The following SLC8A2 variants were observed in gnomAD, a reference collection of about 807,000 sequenced individuals.
The protein encoded by SLC8A2 is solute carrier family 8 member A2.
In SLC8A2, 14 loss-of-function variants were observed where a neutral mutation model predicts 70.2. The observed-to-expected ratio is 0.20, with a 90% confidence interval of 0.13 to 0.31. The LOEUF is 0.31. Among genes scored for constraint, SLC8A2 ranks in the 10% least tolerant of loss-of-function variants. The pLI is 1.00. For synonymous variants in SLC8A2, 575 were observed against 594.3 expected, an observed-to-expected ratio of 0.97 and a Z score of 0.47; for missense variants, 779 against 1,320.1, an observed-to-expected ratio of 0.59 and a Z score of 6.35.
In SLC8A2 at chr19:47,437,925, A is replaced by G. The variant is rs754961586; in HGVS notation, c.1934T>C (p.Ile645Thr). 2.5e-6 allele frequency: 4 copies of G among 1,614,004 alleles called. No homozygotes were observed. The Admixed American group carries it at 5.0e-5, about 20-fold the overall frequency. ...LTAEEEEARR[I>T]AEMGKPVLGE... Reference sequence around the variant, plus strand: ...AAGAACTGGCTTGCCCATCTCTGCTATCCTCCGAGCCTCCTCCTCCTCGGC... The same window carrying G: ...AAGAACTGGCTTGCCCATCTCTGCTGTCCTCCGAGCCTCCTCCTCCTCGGC... Residue 645 changes from isoleucine to threonine, a missense_variant, in exon 7 of 10, where the codon ATA becomes ACA. Coordinates refer to ENST00000236877, the MANE Select transcript of SLC8A2 (RefSeq NM_015063.3).
At position 47,430,526 on chromosome 19, in the gene SLC8A2, T is replaced by A; in HGVS notation, c.2390-61A>T. The A allele has an allele frequency of 6.8e-7, 1 of 1,472,364 alleles. No individual in the cohort carries two copies. The highest frequency in any genetic ancestry group is 2.4e-5 in the East Asian group (1 of 40,862). The allele number at this position is 1,472,364 out of a possible 1,614,324, so 91.2% of individuals were successfully genotyped here. On this transcript the variant is annotated intron_variant, in intron 9 of 9. Coordinates refer to ENST00000236877, the MANE Select transcript of SLC8A2 (RefSeq NM_015063.3). This position sits in a 1 kb window ranked among gnomAD's most constrained non-coding sequence, Gnocchi z 5.9. ...GCGCCGCCACCCACAGGGGCGGGCA[T>A]CCGCCTGCCCCCTCCCAGCCTTTCC...
intron 3 of SLC8A2, among the ~76,000 whole-genome samples, chr19:47,451,465 C>T (rs1967234525): frequency 6.6e-6 from 1 of 152,018 alleles, no homozygotes; most frequent in South Asian, 2.1e-4. Context: ...CGTGCCACCA[C>T]ATCTGGCTAA....
At chr19:47,462,341 C>T (rs1197349467) in intron 2 of SLC8A2, among the ~76,000 whole-genome samples, 1 of 150,740 alleles carries the variant, frequency 6.6e-6, no homozygotes, top group African/African-American at 2.4e-5. Flanking sequence ...CTCGGCTTAC[C>T]GCAACCTCCG....
chr19:47,470,561 C>T (rs1967522681), intron 1 of SLC8A2, among the ~76,000 whole-genome samples: 1 of 152,214 alleles, frequency 6.6e-6, no homozygotes, highest in African/African-American at 2.4e-5. Context: ...GGAAGTGAGA[C>T]TGCAGGAAGG....
chr19:47,460,171 T>G (rs1365554102), intron 2 of SLC8A2, among the ~76,000 whole-genome samples: 3 of 152,200 alleles, frequency 2.0e-5, no homozygotes, highest in African/African-American at 2.4e-5. Flanking sequence ...CTGGCCCTCA[T>G]GGACAGGCTG....
intron 8 of SLC8A2, among the ~76,000 whole-genome samples, chr19:47,435,938 A>C (rs1251456894): frequency 6.6e-6 from 1 of 150,880 alleles, no homozygotes; most frequent in Non-Finnish European, 1.5e-5. Flanking sequence ...CCCATTCAAA[A>C]CCCTCCATGG....
rs1403674046 is a variant in SLC8A2 at position 47,447,810 on chromosome 19, T to A, written c.1762A>T (p.Met588Leu). The A allele has an allele frequency of 3.2e-6, 5 of 1,586,656 alleles. No individual in the cohort carries two copies. The highest frequency in any genetic ancestry group is 1.7e-5 in the Admixed American group (1 of 58,220). The change falls in exon 4 of 10, where the codon ATG becomes TTG. Residue 588 changes from methionine (M) to leucine (L), a missense_variant and splice_region_variant. This residue lies in a region of SLC8A2 where 247 missense variants were observed against 362.8 expected (regional missense o/e 0.68). Transcript: ENST00000236877. The surrounding 1 kb of genome is among the most constrained non-coding windows in gnomAD (Gnocchi z 5.1). ...GELEFGDDET[M>L]KTLQVKIVDD... Reference sequence around the variant, plus strand: ...CCGGGCCGCCTCGGGCGTGCTCACATGGTCTCGTCGTCGCCAAACTCCAGC... The same window carrying A: ...CCGGGCCGCCTCGGGCGTGCTCACAAGGTCTCGTCGTCGCCAAACTCCAGC...
intron 8 of SLC8A2, among the ~76,000 whole-genome samples, chr19:47,433,152 C>T (rs921877591): frequency 6.6e-6 from 1 of 152,182 alleles, no homozygotes; most frequent in African/African-American, 2.4e-5. Flanking sequence ...GACAGCCATA[C>T]CCCTAGCTAA....
chr19:47,467,318 G>T (rs543095318), intron 1 of SLC8A2, among the ~76,000 whole-genome samples: 363 of 152,310 alleles, frequency 2.4e-3, no homozygotes, highest in Non-Finnish European at 4.5e-3. Context: ...GGAGCAGGAG[G>T]CTCTGAGTTT....
Position 47,465,457 on chromosome 19 carries a change from G to C in SLC8A2, c.675+272C>G, listed in dbSNP as rs1216400045. 1.3e-5 allele frequency among the ~76,000 whole-genome samples: 2 copies of C among 152,210 alleles called. No homozygotes were observed. The highest frequency in any genetic ancestry group is 2.9e-5 in the Non-Finnish European group (2 of 68,040). On this transcript the variant is annotated intron_variant, in intron 2 of 9. Coordinates refer to ENST00000236877, the MANE Select transcript of SLC8A2 (RefSeq NM_015063.3). The surrounding 1 kb of genome is among the most constrained non-coding windows in gnomAD (Gnocchi z 5.5). Reference sequence around the variant, plus strand: ...GTGTACTGTTCTTAAGTGCAAAACAGTGCGTCCCTCTGGACAAATAAATGT... The same window carrying C: ...GTGTACTGTTCTTAAGTGCAAAACACTGCGTCCCTCTGGACAAATAAATGT...
intron 7 of SLC8A2, 133 bp from the exon 8 acceptor site, chr19:47,437,694 A>C: frequency 8.7e-7 from 1 of 1,154,266 alleles, no homozygotes; most frequent in African/African-American, 1.5e-5. Context: ...TTCTGAAGGC[A>C]AGCAAGGAAA....
chr19:47,435,999 G>C (rs1967024611), intron 8 of SLC8A2, among the ~76,000 whole-genome samples: 1 of 152,084 alleles, frequency 6.6e-6, no homozygotes, highest in Non-Finnish European at 1.5e-5. Context: ...GGTCCACAAG[G>C]AGCAGTGTAG....
intron 5 of SLC8A2, 26 bp from the exon 6 acceptor site, chr19:47,441,212 CAGTG>C (rs776974030): frequency 8.1e-6 from 13 of 1,613,450 alleles, no homozygotes; most frequent in Non-Finnish European, 1.7e-6. Context: ...GACAGGCAGA[CAGTG>C]AGATCAGTTC....
intron 3 of SLC8A2, among the ~76,000 whole-genome samples, chr19:47,449,055 T>C (rs188236148): frequency 3.1e-4 from 47 of 152,346 alleles, no homozygotes; most frequent in Non-Finnish European, 6.2e-4. Flanking sequence ...CTGACCGTTG[T>C]GTGCCAGGCA....
At chr19:47,460,566 G>A (rs1007861488) in intron 2 of SLC8A2, among the ~76,000 whole-genome samples, 2 of 151,994 alleles carry the variant, frequency 1.3e-5, no homozygotes, top group Non-Finnish European at 2.9e-5. Flanking sequence ...GCATGGTGGT[G>A]TGCATCTGTA....
rs1156457071 is a variant in SLC8A2 at position 47,466,334 on chromosome 19, G to A, written c.70C>T (p.Pro24Ser). 6.8e-7 allele frequency: 1 copy of A among 1,468,074 alleles called. No individual in the cohort carries two copies. The highest frequency in any genetic ancestry group is 9.0e-7 in the Non-Finnish European group (1 of 1,107,878). 90.9% of individuals were successfully genotyped at this position (1,468,074 alleles called of 1,614,324 possible). Residue 24 changes from proline to serine, a missense_variant, in exon 2 of 10, where the codon CCA (proline) becomes TCA (serine). Around this residue, in one of 6 missense-constraint regions of SLC8A2, gnomAD observed 65 missense variants for 61.3 expected, o/e 1.06. Coordinates refer to ENST00000236877, the MANE Select transcript of SLC8A2 (RefSeq NM_015063.3). The surrounding 1 kb of genome is among the most constrained non-coding windows in gnomAD (Gnocchi z 6.9). The stretch of plus-strand genomic sequence containing the variant: ...GGGGGAGGCGGCAGGGAGGGGGTTG[G>A]GGTGGCTGCCCCGGAGCATGGGGGA... Reference protein sequence around the residue: ...AAPPCSGAATPTPSLPPPPAN... With the variant: ...AAPPCSGAATSTPSLPPPPAN...
rs776017952 is a variant in SLC8A2, at chr19:47,457,461, A to C, written c.809T>G (p.Ile270Arg). 1.9e-6 allele frequency: 3 copies of C among 1,609,036 alleles called. No individual in the cohort carries two copies. Among genetic ancestry groups the C allele is most frequent in the Non-Finnish European group, 1.7e-6 (2 of 1,178,466 alleles). The change falls in exon 3 of 10, where the codon ATA (isoleucine) becomes AGA (arginine). Residue 270 changes from isoleucine to arginine, a missense_variant. Ile to Arg is a moderately conservative substitution (Grantham distance 97). This residue lies in a region of SLC8A2 where 186 missense variants were observed against 246.6 expected (regional missense o/e 0.75). Transcript: ENST00000236877. ...YRTDPRSGII[I>R]GAEGDPPKSI... ...CTTCGGGGGGTCGCCCTCGGCGCCT[A>C]TGATGATGCCGCTGCGTGGGTCGGT...
intron 2 of SLC8A2, among the ~76,000 whole-genome samples, chr19:47,459,595 G>A (rs1967364821): frequency 6.6e-6 from 1 of 151,624 alleles, no homozygotes; most frequent in Non-Finnish European, 1.5e-5. Flanking sequence ...TGTGTCCTGT[G>A]TGTGCGTGCT....
At position 47,430,266 on chromosome 19, in the gene SLC8A2, G is replaced by A. The variant is rs776796326; in HGVS notation, c.2589C>T (p.Thr863=). 2 of 1,612,506 alleles carry A rather than the reference G, an allele frequency of 1.2e-6. No individual in the cohort carries two copies. The highest frequency in any genetic ancestry group is 1.7e-6 in the Non-Finnish European group (2 of 1,179,286). Residue 863 remains threonine, a synonymous_variant, in exon 10 of 10, where the codon ACC becomes ACT. Transcript: ENST00000236877. This position sits in a 1 kb window ranked among gnomAD's most constrained non-coding sequence, Gnocchi z 5.9. ...CGGCAATGCCCACGAAGGCGAAGAC[G>A]GTGAAGAGCGTGACGGAGAAGGCCA... ...GTLAFSVTLF[T]VFAFVGIAVL... is the part of the protein sequence containing the mutation.
Sources: allele counts gnomAD v4.1 joint callset (sites outside exome capture counted in the v4.1 genomes callset), GRCh38; gene constraint gnomAD v4.1.1; regional missense constraint gnomAD v4.1.1; non-coding constraint Gnocchi (gnomAD v3.1); transcripts MANE v1.5; gene names NCBI Gene and HGNC (gene_info 2026-07-23, HGNC 2026-07-21).